The following ZNF831 variants were observed in gnomAD, a reference collection of about 807,000 sequenced individuals.
ZNF831 encodes zinc finger protein 831, also known as chromosome 20 open reading frame 174.
ZNF831 carries 59 observed loss-of-function variants against 95.8 expected under a neutral mutation model. The observed-to-expected ratio is 0.62, with a 90% CI of 0.50 to 0.77. ZNF831 has a LOEUF of 0.77. Among genes scored for constraint, ZNF831 ranks in the 30% least tolerant of loss-of-function variants. The probability of loss-of-function intolerance (pLI) is 0.00; values close to 1 mark genes in which losing one functional copy is unlikely to be tolerated. For synonymous variants in ZNF831, 961 were observed against 925.5 expected (o/e 1.04, Z -0.70); for missense variants, 2,205 against 2,164.0 (o/e 1.02, Z -0.38).
chr20:59,186,707 G>T (rs567887686), intron 1 of ZNF831, among the ~76,000 whole-genome samples: 1 of 152,142 alleles, frequency 6.6e-6, no homozygotes, highest in South Asian at 2.1e-4. Context: ...GCTCTTATCC[G>T]TTCTGGCAGC....
rs767830319 is a variant in ZNF831, at chr20:59,191,680, G to A, written c.661G>A (p.Gly221Arg). The part of the protein sequence containing the change: ...GGLLEEGDKA[G>R]EPPRPEGRGE... ...CCTCCTGGAGGAAGGGGACAAGGCC[G>A]GAGAGCCCCCCAGACCAGAGGGCAG... Residue 221 changes from glycine (G) to arginine (R), a missense_variant, in exon 2 of 6, where the codon GGA becomes AGA. Coordinates refer to ENST00000371030, the MANE Select transcript of ZNF831 (RefSeq NM_178457.3). The A allele has an allele frequency of 5.1e-5, 80 of 1,559,252 alleles. No individual in the cohort carries two copies. The highest frequency in any genetic ancestry group is 6.9e-5 in the Non-Finnish European group (79 of 1,152,730).
At chr20:59,128,854 C>A (rs1480143917) in intron 1 of ZNF831, among the ~76,000 whole-genome samples, 1 of 152,196 alleles carries the variant, frequency 6.6e-6, no homozygotes, top group Non-Finnish European at 1.5e-5. Context: ...CTCCACCTCC[C>A]GGGTTCAAGC....
intron 5 of ZNF831, among the ~76,000 whole-genome samples, chr20:59,253,362 T>TA (rs1202723028): frequency 6.6e-5 from 10 of 151,960 alleles, no homozygotes; most frequent in African/African-American, 1.4e-4. Flanking sequence ...ATGGTTTCTT[T>TA]AAAAAAAACC....
At chr20:59,128,278 G>A (rs918551211) in intron 1 of ZNF831, among the ~76,000 whole-genome samples, 2 of 152,216 alleles carry the variant, frequency 1.3e-5, no homozygotes, top group Admixed American at 6.5e-5. Context: ...TACAGACCAG[G>A]TGTTTACTTT....
chr20:59,141,456 A>G (rs1383238704), intron 1 of ZNF831, among the ~76,000 whole-genome samples: 1 of 152,186 alleles, frequency 6.6e-6, no homozygotes, highest in Admixed American at 6.5e-5. Flanking sequence ...TTGCTCCAGC[A>G]CCGTTTGTTG....
At chr20:59,153,998 T>G (rs1980393634) in intron 2 of ZNF831, among the ~76,000 whole-genome samples, 1 of 152,166 alleles carries the variant, frequency 6.6e-6, no homozygotes. Context: ...TGGAGACTCC[T>G]GCAGCCTGGT....
At chr20:59,189,307 A>G (rs992423496) in intron 1 of ZNF831, among the ~76,000 whole-genome samples, 2 of 152,292 alleles carry the variant, frequency 1.3e-5, no homozygotes, top group South Asian at 2.1e-4. Flanking sequence ...ACTGTAATCA[A>G]TTTTAAGTTA....
At chr20:59,228,060 A>G (rs190899237) in intron 4 of ZNF831, among the ~76,000 whole-genome samples, 6 of 152,378 alleles carry the variant, frequency 3.9e-5, no homozygotes, top group Admixed American at 1.3e-4. Context: ...TCATAAATAT[A>G]TAACATATGC....
chr20:59,207,515 G>A (rs1308388141), intron 4 of ZNF831, among the ~76,000 whole-genome samples: 1 of 152,070 alleles, frequency 6.6e-6, no homozygotes, highest in Non-Finnish European at 1.5e-5. Context: ...AGGCTGCAGG[G>A]TACATTGCTT....
intron 1 of ZNF831, among the ~76,000 whole-genome samples, chr20:59,176,384 G>A (rs1168194250): frequency 1.3e-5 from 2 of 152,114 alleles, no homozygotes; most frequent in African/African-American, 2.4e-5. Flanking sequence ...GATTATGTTG[G>A]TTGTTACACG....
intron 4 of ZNF831, among the ~76,000 whole-genome samples, chr20:59,224,481 C>G (rs1986309055): frequency 6.6e-6 from 1 of 152,204 alleles, no homozygotes; most frequent in African/African-American, 2.4e-5. Context: ...ATCTGATATA[C>G]TCTAATTGCC....
rs1988104882 is a variant in ZNF831, at chr20:59,254,855, G to T, written c.*112G>T. 3 of 1,430,660 alleles carry T rather than the reference G, an allele frequency of 2.1e-6. No individual in the cohort carries two copies. Among genetic ancestry groups the T allele is most frequent in the Non-Finnish European group, 2.8e-6 (3 of 1,066,458 alleles). The allele number at this position is 1,430,660 out of a possible 1,614,324, so 88.6% of individuals were successfully genotyped here. A position where few individuals can be genotyped will look rare whatever the true frequency, so the allele number is the denominator to read the frequency against. On this transcript the variant is annotated 3_prime_UTR_variant, in exon 6 of 6. Transcript: ENST00000371030. This position sits in a 1 kb window ranked among gnomAD's most constrained non-coding sequence, Gnocchi z 4.5. ...CTATCTGTGAAACACCTACAGATTA[G>T]GAAAGCCATTTTGAGTTATTTACAA...
chr20:59,135,541 C>T (rs1182159639), intron 1 of ZNF831, among the ~76,000 whole-genome samples: 1 of 152,162 alleles, frequency 6.6e-6, no homozygotes, highest in East Asian at 1.9e-4. Flanking sequence ...ACCATCCTGG[C>T]TAACGTGATG....
chr20:59,253,219 A>C, intron 5 of ZNF831, 81 bp downstream of exon 5: 6 of 1,503,194 alleles, frequency 4.0e-6, no homozygotes, highest in Non-Finnish European at 5.4e-6. Context: ...GCTCTTGTTC[A>C]GTGTGGCAGA....
At chr20:59,129,697 C>A (rs907882085) in intron 1 of ZNF831, among the ~76,000 whole-genome samples, 1 of 152,160 alleles carries the variant, frequency 6.6e-6, no homozygotes, top group Non-Finnish European at 1.5e-5. Flanking sequence ...CCTTCATGGT[C>A]GTAGCCCACC....
At chr20:59,222,453 T>C (rs1226383410) in intron 4 of ZNF831, among the ~76,000 whole-genome samples, 2 of 151,214 alleles carry the variant, frequency 1.3e-5, no homozygotes, top group Non-Finnish European at 2.9e-5. Flanking sequence ...GCCTCAATCT[T>C]GCAGGAGCAG....
At chr20:59,196,132 A>T in intron 3 of ZNF831, 127 bp downstream of exon 3, 1 of 1,321,386 alleles carries the variant, frequency 7.6e-7, no homozygotes. Flanking sequence ...CTTCATGATT[A>T]AAGGACTGAA....
At chr20:59,135,932 C>T (rs1979496915) in intron 1 of ZNF831, among the ~76,000 whole-genome samples, 2 of 152,108 alleles carry the variant, frequency 1.3e-5, no homozygotes, top group Non-Finnish European at 2.9e-5. Flanking sequence ...CATGATGGCA[C>T]CACTGCACTT....
Position 59,220,942 on chromosome 20 carries a change from T to C in ZNF831, c.4027+13886T>C, listed in dbSNP as rs181178773. ...TCTCATTGTCTCAGGTCCTCATCTG[T>C]AGAATGGGGCTGGAGTTTCTGAGTC... On this transcript the variant is annotated intron_variant, in intron 4 of 5. Coordinates refer to ENST00000371030, the MANE Select transcript of ZNF831 (RefSeq NM_178457.3). Among the ~76,000 whole-genome samples, 117 of 152,330 alleles carry C rather than the reference T, an allele frequency of 7.7e-4. 1 individual carries two copies. The highest frequency in any genetic ancestry group is 2.5e-3 in the African/African-American group (105 of 41,578).
Sources: gnomAD v4.1 joint callset for allele counts (sites outside exome capture counted in the v4.1 genomes callset) on GRCh38, gnomAD v4.1.1 for gene constraint, Gnocchi (gnomAD v3.1) non-coding constraint, MANE v1.5 for transcripts, NCBI Gene and HGNC (gene_info 2026-07-23, HGNC 2026-07-21) for gene names.